The following DSCAM variants were observed in gnomAD, a reference collection of about 807,000 sequenced individuals.
DSCAM encodes the protein cell adhesion molecule DSCAM.
Under a neutral mutation model 217.7 loss-of-function variants are expected in DSCAM, and 47 were observed. The ratio of observed to expected loss-of-function variants is 0.22; its 90% CI spans 0.17 to 0.28. The LOEUF (loss-of-function observed/expected upper bound fraction) is 0.28, where lower values mean the gene tolerates loss of function less well. Among genes scored for constraint, DSCAM ranks in the 10% least tolerant of loss-of-function variants. The pLI, the probability that DSCAM is intolerant of heterozygous loss-of-function variation, is 1.00. For synonymous variants in DSCAM, 1,056 were observed against 1,015.3 expected (o/e 1.04, Z -0.76); for missense variants, 2,080 against 2,618.3 (o/e 0.79, Z 4.49).
chr21:40,593,952 G>A (rs1319795988), intron 3 of DSCAM, among the ~76,000 whole-genome samples: 1 of 152,180 alleles, frequency 6.6e-6, no homozygotes, highest in Non-Finnish European at 1.5e-5. Context: ...ATGAACACAG[G>A]TTAAATAGCA....
At position 40,276,135 on chromosome 21, in the gene DSCAM, C is replaced by T; in HGVS notation, c.2318G>A (p.Gly773Asp). 6.2e-7 allele frequency: 1 copy of T among 1,609,284 alleles called. No homozygotes were observed. Among genetic ancestry groups the T allele is most frequent in the Non-Finnish European group, 8.5e-7 (1 of 1,178,030 alleles). Reference protein sequence around the residue: ...YYLCKVSNDVGADVSKSMYLT... With the variant: ...YYLCKVSNDVDADVSKSMYLT... ...GTACATGGACTTGCTGACGTCTGCGCCCACATCGTTGCTGACCTTGCAGAG... is the reference window on the plus strand; with the variant it reads ...GTACATGGACTTGCTGACGTCTGCGTCCACATCGTTGCTGACCTTGCAGAG... Residue 773 changes from glycine (G) to aspartate (D), a missense_variant, in exon 11 of 33, where the codon GGC becomes GAC. Transcript: ENST00000400454.
At chr21:40,293,134 C>T (rs1326517595) in intron 10 of DSCAM, among the ~76,000 whole-genome samples, 2 of 152,108 alleles carry the variant, frequency 1.3e-5, no homozygotes, top group Admixed American at 6.5e-5. Flanking sequence ...TCCAACACCC[C>T]CTCTGACTTA....
chr21:40,478,339 A>G (rs1197557155), intron 3 of DSCAM, among the ~76,000 whole-genome samples: 1 of 152,226 alleles, frequency 6.6e-6, no homozygotes, highest in Non-Finnish European at 1.5e-5. Flanking sequence ...AACCTGTAGT[A>G]CATGTGGACA....
At chr21:40,681,393 G>C (rs1310459424) in intron 3 of DSCAM, among the ~76,000 whole-genome samples, 1 of 152,192 alleles carries the variant, frequency 6.6e-6, no homozygotes, top group Non-Finnish European at 1.5e-5. Flanking sequence ...GGCGCCGCCG[G>C]GGACAGGGCT....
chr21:40,153,280 G>A (rs534285094), intron 16 of DSCAM, among the ~76,000 whole-genome samples: 2 of 152,360 alleles, frequency 1.3e-5, no homozygotes, highest in African/African-American at 4.8e-5. Context: ...GAGTGAATCA[G>A]TGCTCAGAAT....
At chr21:40,644,626 C>T (rs1407114784) in intron 3 of DSCAM, among the ~76,000 whole-genome samples, 1 of 152,128 alleles carries the variant, frequency 6.6e-6, no homozygotes, top group African/African-American at 2.4e-5. Flanking sequence ...AGGGGTGTTA[C>T]CAAATTCTTT....
intron 11 of DSCAM, among the ~76,000 whole-genome samples, chr21:40,274,327 T>C (rs1044473812): frequency 2.6e-5 from 4 of 152,212 alleles, no homozygotes; most frequent in Non-Finnish European, 4.4e-5. Flanking sequence ...ACATGATCCA[T>C]GTGACTCTTC....
intron 16 of DSCAM, among the ~76,000 whole-genome samples, chr21:40,145,815 A>C (rs1391603545): frequency 6.6e-6 from 1 of 151,668 alleles, no homozygotes; most frequent in East Asian, 1.9e-4. Flanking sequence ...ACTGCACTCC[A>C]GCCTGGGTGA....
intron 11 of DSCAM, among the ~76,000 whole-genome samples, chr21:40,273,074 A>C (rs943807821): frequency 2.0e-5 from 3 of 151,624 alleles, no homozygotes; most frequent in African/African-American, 4.9e-5. Flanking sequence ...TGGCCTTTTA[A>C]TTTTTTTTCA....
chr21:40,791,156 C>CAA (rs61244663), intron 1 of DSCAM, among the ~76,000 whole-genome samples: 121 of 142,068 alleles, frequency 8.5e-4, no homozygotes, highest in African/African-American at 1.8e-3. Context: ...GACTTCATCT[C>CAA]AAAAAAAAAA....
chr21:40,250,458 G>A (rs889457045), intron 11 of DSCAM, among the ~76,000 whole-genome samples: 7 of 152,198 alleles, frequency 4.6e-5, no homozygotes, highest in African/African-American at 1.4e-4. Flanking sequence ...TGCATCTTCT[G>A]TGGTTCTTTC....
At chr21:40,603,563 T>C (rs546712192) in intron 3 of DSCAM, among the ~76,000 whole-genome samples, 1 of 152,246 alleles carries the variant, frequency 6.6e-6, no homozygotes, top group Non-Finnish European at 1.5e-5. Context: ...TCTTTCTGAA[T>C]ACATTCTTTT....
At chr21:40,477,792 T>C (rs1322632304) in intron 3 of DSCAM, among the ~76,000 whole-genome samples, 1 of 152,228 alleles carries the variant, frequency 6.6e-6, no homozygotes, top group African/African-American at 2.4e-5. Flanking sequence ...TATTCAGTAT[T>C]TTAAAAGATA....
At chr21:40,061,910 G>C (rs1177885165) in intron 28 of DSCAM, among the ~76,000 whole-genome samples, 1 of 152,156 alleles carries the variant, frequency 6.6e-6, no homozygotes, top group Non-Finnish European at 1.5e-5. Context: ...CACTATCGGA[G>C]TCCTTGACAT....
At chr21:40,338,425 A>G in intron 7 of DSCAM, 49 bp from the exon 8 acceptor site, 1 of 1,552,594 alleles carries the variant, frequency 6.4e-7, no homozygotes, top group South Asian at 1.2e-5. Flanking sequence ...GGTACATCTC[A>G]TGTAGGGAAA....
At chr21:40,813,702 C>T (rs1422191402) in intron 1 of DSCAM, among the ~76,000 whole-genome samples, 1 of 147,460 alleles carries the variant, frequency 6.8e-6, no homozygotes, top group African/African-American at 2.5e-5. Context: ...GGCTGGAGTG[C>T]AGTGGCGCAA....
intron 1 of DSCAM, among the ~76,000 whole-genome samples, chr21:40,754,447 G>A (rs182844733): frequency 6.7e-4 from 102 of 152,308 alleles, no homozygotes; most frequent in African/African-American, 2.2e-3. Context: ...ACAATAAAAG[G>A]AAGACGGTCA....
intron 28 of DSCAM, among the ~76,000 whole-genome samples, chr21:40,061,607 T>C (rs1158282610): frequency 6.6e-6 from 1 of 151,798 alleles, no homozygotes; most frequent in Non-Finnish European, 1.5e-5. Flanking sequence ...AGACTTATCC[T>C]TCATATCATT....
At chr21:40,628,651 T>C (rs373273685) in intron 3 of DSCAM, among the ~76,000 whole-genome samples, 2 of 152,192 alleles carry the variant, frequency 1.3e-5, no homozygotes, top group South Asian at 2.1e-4. Context: ...CTTGAGTTAA[T>C]AGATGAAAAA....
Sources: allele counts gnomAD v4.1 joint callset (sites outside exome capture counted in the v4.1 genomes callset), GRCh38; gene constraint gnomAD v4.1.1; transcripts MANE v1.5; gene names NCBI Gene and HGNC (gene_info 2026-07-23, HGNC 2026-07-21).